Variants in PFKFB3 observed in about 807,000 individuals in gnomAD.
PFKFB3 encodes 6-phosphofructo-2-kinase/fructose-2,6-biphosphatase 3.
Under a neutral mutation model 68.0 loss-of-function variants are expected in PFKFB3, and 33 were observed. That is an observed-to-expected ratio of 0.49 (90% CI 0.37 to 0.65). The LOEUF (loss-of-function observed/expected upper bound fraction) is 0.65, where lower values mean the gene tolerates loss of function less well. Ranked by LOEUF, PFKFB3 falls within the 30% of genes least tolerant of loss-of-function variation. The probability of loss-of-function intolerance (pLI) is 0.00; values close to 1 mark genes in which losing one functional copy is unlikely to be tolerated. For missense variants in PFKFB3, 586 were observed against 712.2 expected, an observed-to-expected ratio of 0.82 and a Z score of 2.02; for synonymous variants, 315 against 288.2, an observed-to-expected ratio of 1.09 and a Z score of -0.94.
the PFKFB3 span, among the ~76,000 whole-genome samples, chr10:6,279,972 A>G: frequency 6.6e-6 from 1 of 152,176 alleles, no homozygotes; most frequent in Admixed American, 6.5e-5. Context: ...TGGGCAGGAC[A>G]TCAATAGGCA....
chr10:6,223,599 T>C (rs1845116321), intron 11 of PFKFB3, among the ~76,000 whole-genome samples: 2 of 152,146 alleles, frequency 1.3e-5, no homozygotes, highest in African/African-American at 4.8e-5. Context: ...GTAAAGGTCT[T>C]TCCATGCCTC....
intron 1 of PFKFB3, among the ~76,000 whole-genome samples, chr10:6,172,527 G>A (rs1842344120): frequency 6.6e-6 from 1 of 152,186 alleles, no homozygotes; most frequent in African/African-American, 2.4e-5. Context: ...TGTTCCAAAT[G>A]AGGAAACCGG....
intron 1 of PFKFB3, among the ~76,000 whole-genome samples, chr10:6,147,878 C>T (rs1387633044): frequency 6.7e-6 from 1 of 149,982 alleles, no homozygotes; most frequent in African/African-American, 2.5e-5. Flanking sequence ...TGCTGGGACA[C>T]AGAGCTGGGT....
the PFKFB3 span, among the ~76,000 whole-genome samples, chr10:6,280,901 C>T: frequency 1.3e-5 from 2 of 151,482 alleles, no homozygotes; most frequent in Admixed American, 6.6e-5. Context: ...GTGCACCCAT[C>T]GCCCGAGCAG....
intron 1 of PFKFB3, among the ~76,000 whole-genome samples, chr10:6,163,113 T>C (rs1420317452): frequency 6.6e-6 from 1 of 152,228 alleles, no homozygotes; most frequent in Non-Finnish European, 1.5e-5. Flanking sequence ...CCTTTGCTAC[T>C]GGCTGTACTC....
chr10:6,229,394 G>A lies in PFKFB3; in HGVS notation c.1515+3029G>A, dbSNP rs76374036. On this transcript the variant is annotated intron_variant, in intron 14 of 14. Transcript: ENST00000379775. The surrounding 1 kb of genome is among the most constrained non-coding windows in gnomAD (Gnocchi z 4.3). ...GAAAGGCCCCTTGCTTCAGAAAGCC[G>A]GCCGCCTCCTCTCTGCGGCTTCTGG... 3.6e-3 allele frequency among the ~76,000 whole-genome samples: 551 copies of A among 152,318 alleles called. 2 individuals are homozygous for A. The highest frequency in any genetic ancestry group is 0.011 in the East Asian group (55 of 5,158).
Position 6,220,954 on chromosome 10 carries a change from C to CTGG in PFKFB3, c.831+91_831+92insGTG. ...GGTGGGGAGCTGTGTGCTGCTGCTG[C>CTGG]TGCTGCTGCTGCTGCTTGGTGTGCT... On this transcript the variant is annotated intron_variant, in intron 8 of 14. Coordinates refer to ENST00000379775, the MANE Select transcript of PFKFB3 (RefSeq NM_004566.4). This position sits in a 1 kb window ranked among gnomAD's most constrained non-coding sequence, Gnocchi z 4.1. 1 of 1,189,048 alleles carries CTGG rather than the reference C, an allele frequency of 8.4e-7. No homozygotes were observed. Among genetic ancestry groups the CTGG allele is most frequent in the Non-Finnish European group, 1.2e-6 (1 of 809,882 alleles). 73.7% of individuals were successfully genotyped at this position (1,189,048 alleles called of 1,614,324 possible).
At chr10:6,203,439 C>T in intron 1 of PFKFB3, 103 bp downstream of exon 1, 1 of 673,024 alleles carries the variant, frequency 1.5e-6, no homozygotes, top group Non-Finnish European at 2.0e-6. Flanking sequence ...GGGGCGCGCC[C>T]GTGCGGGTCG....
chr10:6,259,542 T>TCATCCATCCATCCATCCATCCATCCATC (rs201570223), downstream of PFKFB3, among the ~76,000 whole-genome samples: 2 of 138,090 alleles, frequency 1.4e-5, no homozygotes, highest in South Asian at 2.9e-4. Context: ...ATCCATCTGC[T>TCATCCATCCATCCATCCATCCATCCATC]CATCCATCCA....
chr10:6,174,487 C>A (rs147937799), intron 1 of PFKFB3, among the ~76,000 whole-genome samples: 81 of 152,328 alleles, frequency 5.3e-4, no homozygotes, highest in African/African-American at 1.8e-3. Flanking sequence ...ATTCCGTGGC[C>A]CGGGCTGACC....
upstream of PFKFB3, chr10:6,202,541 C>T (rs1843406264): frequency 1.3e-5 from 2 of 152,494 alleles, no homozygotes; most frequent in South Asian, 4.1e-4. Context: ...AAGCAGCTTC[C>T]CAAGGGATTC....
intron 1 of PFKFB3, among the ~76,000 whole-genome samples, chr10:6,157,892 C>T (rs771493461): frequency 2.3e-4 from 35 of 152,036 alleles, no homozygotes; most frequent in Non-Finnish European, 3.4e-4. Flanking sequence ...GAAAAACCGA[C>T]TTGACTGAAT....
At chr10:6,232,844 C>A (rs751497445) in intron 14 of PFKFB3, 51 bp from the exon 15 acceptor site, 2 of 1,423,672 alleles carry the variant, frequency 1.4e-6, no homozygotes, top group African/African-American at 1.4e-5. Flanking sequence ...TAGAATTCAG[C>A]CAGCTACAAA....
Position 6,220,230 on chromosome 10 carries a change from TA to T in PFKFB3, c.624-426del, listed in dbSNP as rs1844858238. ...AATCCTACCGCCTCAGCCTCATGAG[TA>T]ACTGGGACTACAGGTGTGGGTGTCC... On this transcript the variant is annotated intron_variant, in intron 7 of 14. Coordinates refer to ENST00000379775, the MANE Select transcript of PFKFB3 (RefSeq NM_004566.4). This position sits in a 1 kb window ranked among gnomAD's most constrained non-coding sequence, Gnocchi z 4.1. Among the ~76,000 whole-genome samples the T allele has an allele frequency of 6.6e-6, 1 of 151,666 alleles. No homozygotes were observed. Among genetic ancestry groups the T allele is most frequent in the African/African-American group, 2.4e-5 (1 of 41,214 alleles).
rs751051714 is a variant in PFKFB3, at chr10:6,228,217, C to T, written c.1515+1852C>T. The T allele has an allele frequency of 4.0e-5, 65 of 1,612,748 alleles. No individual in the cohort carries two copies. Among genetic ancestry groups the T allele is most frequent in the Admixed American group, 6.7e-5 (4 of 60,014 alleles). ...GCAGCCTTTGCTAGGGCAAGCCTGT[C>T]TGTAAGTATCTCTCCGATCATCGCT... On this transcript the variant is annotated intron_variant, in intron 14 of 14. Transcript: ENST00000379775. This position sits in a 1 kb window ranked among gnomAD's most constrained non-coding sequence, Gnocchi z 4.5.
chr10:6,326,383 C>G, the PFKFB3 span, among the ~76,000 whole-genome samples: 1 of 152,130 alleles, frequency 6.6e-6, no homozygotes, highest in African/African-American at 2.4e-5. Flanking sequence ...AGCAAACCAC[C>G]ATGGCACACG....
chr10:6,224,288 C>T (rs1163874632), intron 13 of PFKFB3, 75 bp downstream of exon 13: 24 of 1,475,786 alleles, frequency 1.6e-5, no homozygotes, highest in Admixed American at 5.1e-5. Flanking sequence ...GCTCAGGAGG[C>T]CCCGGGGCCG....
the PFKFB3 span, among the ~76,000 whole-genome samples, chr10:6,303,990 G>A: frequency 3.3e-5 from 5 of 151,984 alleles, no homozygotes; most frequent in African/African-American, 4.8e-5. Flanking sequence ...TGCAGGGGAC[G>A]GCAGAGACAC....
At position 6,228,239 on chromosome 10, in the gene PFKFB3, C is replaced by T. The variant is rs759528277; in HGVS notation, c.1515+1874C>T. The T allele has an allele frequency of 8.6e-5, 138 of 1,612,312 alleles. No homozygotes were observed. Among genetic ancestry groups the T allele is most frequent in the Admixed American group, 1.5e-4 (9 of 60,020 alleles). ...TGTCTGTAAGTATCTCTCCGATCATCGCTGCTGCTTGCACTGCTTTCTTCC... is the reference window on the plus strand; with the variant it reads ...TGTCTGTAAGTATCTCTCCGATCATTGCTGCTGCTTGCACTGCTTTCTTCC... On this transcript the variant is annotated intron_variant, in intron 14 of 14. Transcript: ENST00000379775. The surrounding 1 kb of genome is among the most constrained non-coding windows in gnomAD (Gnocchi z 4.5).
Sources: gnomAD v4.1 joint callset for allele counts (sites outside exome capture counted in the v4.1 genomes callset) on GRCh38, gnomAD v4.1.1 for gene constraint, Gnocchi (gnomAD v3.1) non-coding constraint, MANE v1.5 for transcripts, NCBI Gene and HGNC (gene_info 2026-07-23, HGNC 2026-07-21) for gene names.